FABP6: variants seen among roughly 807,000 people sequenced by gnomAD.
FABP6 encodes the protein gastrotropin.
A neutral mutation model predicts 14.9 loss-of-function variants in FABP6; 13 were observed. That is an observed-to-expected ratio of 0.87 (90% CI 0.57 to 1.39). The LOEUF (loss-of-function observed/expected upper bound fraction) is 1.39, where lower values mean the gene tolerates loss of function less well. FABP6 is among the 40% of genes most tolerant of loss of function. FABP6 has a pLI of 0.00. For missense variants in FABP6, 161 were observed against 167.2 expected (o/e 0.96, Z 0.20); for synonymous variants, 75 against 63.6 (o/e 1.18, Z -0.85).
intron 3 of FABP6, among the ~76,000 whole-genome samples, chr5:160,236,136 T>C (rs1760510912): frequency 6.7e-6 from 1 of 149,938 alleles, no homozygotes; most frequent in African/African-American, 2.4e-5. Flanking sequence ...TTCCTCAGCC[T>C]CCCCAAGTAG....
intron 1 of FABP6, 58 bp downstream of exon 1, chr5:160,229,682 G>A: frequency 1.3e-6 from 2 of 1,500,794 alleles, no homozygotes; most frequent in Non-Finnish European, 1.9e-6. Context: ...CCAGCTCTGG[G>A]CCAGGAACCC....
chr5:160,207,581 T>C (rs1006781563), intron 2 of FABP6, among the ~76,000 whole-genome samples: 1 of 152,208 alleles, frequency 6.6e-6, no homozygotes, highest in East Asian at 1.9e-4. Flanking sequence ...TCCAAAACAG[T>C]ACATATGGTA....
intron 2 of FABP6, among the ~76,000 whole-genome samples, chr5:160,205,037 T>C (rs1012344076): frequency 1.3e-5 from 2 of 152,110 alleles, no homozygotes. Context: ...GTGCCTCAGA[T>C]AGAGAAGCCC....
chr5:160,233,149 T>C (rs1333319415), intron 2 of FABP6, among the ~76,000 whole-genome samples: 1 of 151,594 alleles, frequency 6.6e-6, no homozygotes, highest in African/African-American at 2.4e-5. Context: ...ATCTGGCTAA[T>C]TTTTGTATTT....
chr5:160,224,971 G>T (rs1760210373), upstream of FABP6, among the ~76,000 whole-genome samples: 1 of 151,626 alleles, frequency 6.6e-6, no homozygotes, highest in Admixed American at 6.6e-5. Flanking sequence ...TAGAGACAGG[G>T]TTTTTGACAT....
chr5:160,201,823 T>G (rs1465545003), intron 2 of FABP6, among the ~76,000 whole-genome samples: 1 of 152,196 alleles, frequency 6.6e-6, no homozygotes, highest in Non-Finnish European at 1.5e-5. Context: ...GAATGCAGTA[T>G]ATGATCATGG....
chr5:160,214,093 TTCTTTC>T (rs1221438503), intron 3 of FABP6, among the ~76,000 whole-genome samples: 1 of 12,886 alleles, frequency 7.8e-5, no homozygotes, highest in Non-Finnish European at 1.8e-4. Context: ...GCCTTTCTCT[TTCTTTC>T]TTTCTTTCTT....
At chr5:160,234,427 AT>A (rs34564042) in intron 2 of FABP6, among the ~76,000 whole-genome samples, 2,556 of 65,782 alleles carry the variant, frequency 0.039, 35 homozygotes, top group African/African-American at 0.12. Context: ...TGGTAAATTC[AT>A]TTTTTTTTTT....
intron 2 of FABP6, among the ~76,000 whole-genome samples, chr5:160,210,642 A>G (rs1433939377): frequency 6.6e-6 from 1 of 152,232 alleles, no homozygotes. Flanking sequence ...TTTGTAGAGC[A>G]GTGCACCCCA....
chr5:160,235,869 G>A (rs928963389), intron 3 of FABP6, among the ~76,000 whole-genome samples: 2 of 152,146 alleles, frequency 1.3e-5, no homozygotes, highest in African/African-American at 4.8e-5. Context: ...ACACTGTGGT[G>A]TAAATGATTT....
chr5:160,213,845 G>T (rs1204949909), intron 3 of FABP6: 6 of 1,571,978 alleles, frequency 3.8e-6, no homozygotes, highest in East Asian at 2.2e-5. Context: ...AGGGAGGGAA[G>T]GGTTCCTGAC....
chr5:160,229,626 T>G lies in FABP6; in HGVS notation c.67+2T>G. 3 of 1,613,654 alleles carry G rather than the reference T, an allele frequency of 1.9e-6. No individual in the cohort carries two copies. Among genetic ancestry groups the G allele is most frequent in the Non-Finnish European group, 2.5e-6 (3 of 1,179,726 alleles). On this transcript the variant is annotated splice_donor_variant, in intron 1 of 3. Coordinates refer to ENST00000402432, the MANE Select transcript of FABP6 (RefSeq NM_001445.3). LOFTEE classifies it high-confidence loss of function. ...ATGATGAGTTCATGAAGCTCCTTGG[T>G]GAGTGAGCTCCTGGGTATCCCTTCC... is the stretch of plus-strand genomic sequence containing the variant.
At chr5:160,201,026 C>T (rs972308559) in intron 2 of FABP6, among the ~76,000 whole-genome samples, 1 of 152,108 alleles carries the variant, frequency 6.6e-6, no homozygotes, top group Non-Finnish European at 1.5e-5. Context: ...TATTTGCGTG[C>T]ATTTATACAT....
upstream of FABP6, among the ~76,000 whole-genome samples, chr5:160,226,240 T>C (rs1317921543): frequency 6.6e-6 from 1 of 151,700 alleles, no homozygotes; most frequent in Non-Finnish European, 1.5e-5. Flanking sequence ...TAGGGATTTT[T>C]TGAAAAAAAG....
In FABP6 at chr5:160,190,935, AC is replaced by A. The variant is rs1759380898; in HGVS notation, c.-59+3485del. On this transcript the variant is annotated intron_variant, in intron 1 of 6. Coordinates refer to the FABP6 transcript ENST00000393980. ...AGACCATCCTGGCTAACACAGTGAA[AC>A]CCCATCTCTACTAAACATGAAAAAA... 4.2e-5 allele frequency among the ~76,000 whole-genome samples: 6 copies of A among 142,908 alleles called. 1 individual carries two copies. In the Admixed American group the frequency reaches 4.3e-4, roughly 10 times the overall value. 93.8% of individuals were successfully genotyped at this position (142,908 alleles called of 152,430 possible). A position where few individuals can be genotyped will look rare whatever the true frequency, so the allele number is the denominator to read the frequency against.
At chr5:160,238,517 G>A (rs1174232362) in intron 3 of FABP6, 89 bp from the exon 4 acceptor site, 11 of 1,125,230 alleles carry the variant, frequency 9.8e-6, no homozygotes, top group Middle Eastern at 2.1e-4. Flanking sequence ...ACTCAAGGCC[G>A]GGGTTGGAGA....
intron 1 of FABP6, 60 bp downstream of exon 1, chr5:160,229,684 C>T: frequency 6.8e-7 from 1 of 1,478,552 alleles, no homozygotes; most frequent in Non-Finnish European, 9.4e-7. Context: ...AGCTCTGGGC[C>T]AGGAACCCTA....
intron 2 of FABP6, among the ~76,000 whole-genome samples, chr5:160,203,089 A>G (rs1297139612): frequency 1.3e-5 from 2 of 151,900 alleles, no homozygotes; most frequent in African/African-American, 2.4e-5. Context: ...ATTAGTAGAG[A>G]TGGGGTTTCA....
chr5:160,211,402 G>A (rs1228497532), intron 2 of FABP6, among the ~76,000 whole-genome samples: 1 of 152,006 alleles, frequency 6.6e-6, no homozygotes, highest in Non-Finnish European at 1.5e-5. Context: ...CTAGGTGCTG[G>A]CCCCCTTTCT....
Sources: allele counts gnomAD v4.1 joint callset (sites outside exome capture counted in the v4.1 genomes callset), GRCh38; gene constraint gnomAD v4.1.1; transcripts MANE v1.5; gene names NCBI Gene and HGNC (gene_info 2026-07-23, HGNC 2026-07-21).